TPH2: variants seen among roughly 807,000 people sequenced by gnomAD.
The protein encoded by TPH2 is tryptophan 5-hydroxylase 2.
In TPH2, 27 loss-of-function variants were observed where a neutral mutation model predicts 59.1. The observed-to-expected ratio is 0.46, with a 90% confidence interval of 0.34 to 0.63. TPH2 has a LOEUF of 0.63. TPH2 is among the 30% of genes least tolerant of loss of function. TPH2 has a pLI of 0.01. For missense variants in TPH2, 523 were observed against 588.3 expected, an observed-to-expected ratio of 0.89 and a Z score of 1.15; for synonymous variants, 220 against 210.5, an observed-to-expected ratio of 1.05 and a Z score of -0.39.
intron 9 of TPH2, among the ~76,000 whole-genome samples, chr12:72,026,031 T>G (rs566479298): frequency 6.6e-6 from 1 of 152,254 alleles, no homozygotes; most frequent in South Asian, 2.1e-4. Flanking sequence ...CTTGGAGAAG[T>G]GACAGTAAAG....
intron 8 of TPH2, among the ~76,000 whole-genome samples, chr12:71,997,257 G>T (rs1263946609): frequency 6.6e-6 from 1 of 152,126 alleles, no homozygotes; most frequent in East Asian, 1.9e-4. Flanking sequence ...AAAGTCCTGT[G>T]CTTCTAACGG....
intron 5 of TPH2, among the ~76,000 whole-genome samples, chr12:71,951,894 G>T (rs1211778592): frequency 6.6e-6 from 1 of 152,056 alleles, no homozygotes; most frequent in Non-Finnish European, 1.5e-5. Context: ...GCATGGTGGT[G>T]CATGCCTGTA....
intron 6 of TPH2, among the ~76,000 whole-genome samples, chr12:71,975,869 T>C (rs1872104296): frequency 6.6e-6 from 1 of 152,262 alleles, no homozygotes; most frequent in South Asian, 2.1e-4. Context: ...ATCTTCTTCT[T>C]TGTGTCCCAC....
At chr12:71,939,120 G>T (rs1870982791) in intron 1 of TPH2, 29 bp downstream of exon 1, 1 of 1,565,070 alleles carries the variant, frequency 6.4e-7, no homozygotes. Flanking sequence ...GCACTATGGA[G>T]AATTATTTTT....
chr12:71,964,688 T>C (rs954275004), intron 5 of TPH2: 5 of 985,252 alleles, frequency 5.1e-6, no homozygotes, highest in African/African-American at 3.5e-5. Context: ...CAATTACTGA[T>C]TGAAATTTCT....
chr12:71,994,322 C>T, intron 7 of TPH2, 117 bp from the exon 8 acceptor site: 1 of 1,099,884 alleles, frequency 9.1e-7, no homozygotes, highest in East Asian at 2.4e-5. Flanking sequence ...CATTGATGAA[C>T]TGTAGTAACT....
intron 9 of TPH2, among the ~76,000 whole-genome samples, chr12:72,023,432 C>T (rs901829446): frequency 2.6e-5 from 4 of 151,602 alleles, no homozygotes; most frequent in African/African-American, 9.7e-5. Flanking sequence ...TTTATGACTT[C>T]ATTCATTCAT....
chr12:71,956,455 TCTTC>T (rs1213834609), intron 5 of TPH2, among the ~76,000 whole-genome samples: 2 of 125,532 alleles, frequency 1.6e-5, no homozygotes, highest in Admixed American at 8.2e-5. Context: ...TTCCTCCCTT[TCTTC>T]CTTCCTTCCT....
rs183967294 is a variant in TPH2 at position 71,984,193 on chromosome 12, A to G, written c.941+5106A>G. On this transcript the variant is annotated intron_variant, in intron 7 of 10. Coordinates refer to ENST00000333850, the MANE Select transcript of TPH2 (RefSeq NM_173353.4). ...AACATCTTTTTTGTTGCAGTTGACC[A>G]GTTTAGTGGCAATTAATGTTATTTT... is the stretch of plus-strand genomic sequence containing the variant. 2.1e-3 allele frequency among the ~76,000 whole-genome samples: 321 copies of G among 152,328 alleles called. 4 individuals are homozygous for G. Among genetic ancestry groups the G allele is most frequent in the Non-Finnish European group, 1.8e-3 (123 of 68,030 alleles).
intron 9 of TPH2, among the ~76,000 whole-genome samples, chr12:72,027,218 A>G (rs1873595166): frequency 1.3e-5 from 2 of 152,228 alleles, no homozygotes; most frequent in Admixed American, 6.5e-5. Context: ...ATCATAGTCT[A>G]GGACCTGAAA....
chr12:71,944,282 G>A lies in TPH2; in HGVS notation c.256-12G>A, dbSNP rs369666173. ...CCCTGAAGGTGATTTTCAGATGCTC[G>A]TGTTTCCACAGGAAAAACGTGTCAA... On this transcript the variant is annotated splice_polypyrimidine_tract_variant and intron_variant, in intron 2 of 10. Coordinates refer to ENST00000333850, the MANE Select transcript of TPH2 (RefSeq NM_173353.4). The A allele has an allele frequency of 4.0e-5, 64 of 1,613,398 alleles. No individual in the cohort carries two copies. Among genetic ancestry groups the A allele is most frequent in the East Asian group, 6.7e-5 (3 of 44,878 alleles).
chr12:72,020,146 T>A (rs527461437), intron 8 of TPH2, among the ~76,000 whole-genome samples: 1 of 152,336 alleles, frequency 6.6e-6, no homozygotes, highest in South Asian at 2.1e-4. Context: ...CATTTTTGGT[T>A]GTTACAAAGG....
In TPH2 at chr12:71,939,089, A is replaced by G; in HGVS notation, c.103A>G (p.Thr35Ala). The change falls in exon 1 of 11, where the codon ACA (threonine) becomes GCA (alanine). Residue 35 changes from threonine (T) to alanine (A), a missense_variant and splice_region_variant. Physicochemically the swap from Thr to Ala is moderately conservative, Grantham distance 58 (BLOSUM62 0). Transcript: ENST00000333850. ...AGAGCATCAGCTACTTGGCAGCTCA[A>G]CAGTGAGTACTACGTACCTGGCACT... ...PEEHQLLGSS[T>A]LNKPNSGKND... The G allele has an allele frequency of 3.7e-6, 6 of 1,612,102 alleles. No individual in the cohort carries two copies. In the South Asian group the frequency reaches 6.6e-5, roughly 18 times the overall value.
intron 6 of TPH2, among the ~76,000 whole-genome samples, chr12:71,978,322 T>C (rs1872176569): frequency 6.6e-6 from 1 of 152,144 alleles, no homozygotes; most frequent in South Asian, 2.1e-4. Context: ...CACAACCTAA[T>C]TGAATTAGTG....
At chr12:71,976,540 C>T (rs764070262) in intron 6 of TPH2, among the ~76,000 whole-genome samples, 4 of 151,958 alleles carry the variant, frequency 2.6e-5, no homozygotes, top group Non-Finnish European at 5.9e-5. Context: ...AAAAATGTTC[C>T]TCTGTGTACT....
At chr12:71,974,013 C>T (rs1008016719) in intron 6 of TPH2, among the ~76,000 whole-genome samples, 3 of 151,772 alleles carry the variant, frequency 2.0e-5, no homozygotes, top group African/African-American at 7.3e-5. Flanking sequence ...CCGCTTTCTC[C>T]TCTGTTTTTC....
intron 8 of TPH2, among the ~76,000 whole-genome samples, chr12:72,001,255 A>G (rs1872813956): frequency 6.6e-6 from 1 of 152,148 alleles, no homozygotes; most frequent in Non-Finnish European, 1.5e-5. Context: ...GGATCTCAGT[A>G]ATGCTGATGA....
chr12:71,974,050 G>T (rs368839714), intron 6 of TPH2, among the ~76,000 whole-genome samples: 3 of 152,054 alleles, frequency 2.0e-5, no homozygotes, highest in African/African-American at 7.2e-5. Flanking sequence ...TGGATTCTCT[G>T]CCCTTTTCTC....
At chr12:71,973,270 T>C (rs947704732) in intron 6 of TPH2, among the ~76,000 whole-genome samples, 2 of 151,394 alleles carry the variant, frequency 1.3e-5, no homozygotes, top group Non-Finnish European at 2.9e-5. Context: ...AGATAGGAGG[T>C]CAGCACAAGA....
Sources: allele counts gnomAD v4.1 joint callset (sites outside exome capture counted in the v4.1 genomes callset), GRCh38; gene constraint gnomAD v4.1.1; transcripts MANE v1.5; gene names NCBI Gene and HGNC (gene_info 2026-07-23, HGNC 2026-07-21).